The following FGF2 variants were observed in gnomAD, a reference collection of about 807,000 sequenced individuals.
FGF2 encodes fibroblast growth factor 2, also known as basic fibroblast growth factor bFGF.
A neutral mutation model predicts 15.9 loss-of-function variants in FGF2; 13 were observed. That is an observed-to-expected ratio of 0.82 (90% CI 0.53 to 1.30). The LOEUF (loss-of-function observed/expected upper bound fraction) is 1.30, where lower values mean the gene tolerates loss of function less well. Among genes scored for constraint, FGF2 ranks in the 50% most tolerant of loss-of-function variants. The pLI, the probability that FGF2 is intolerant of heterozygous loss-of-function variation, is 0.00. For synonymous variants in FGF2, 90 were observed against 78.4 expected, an observed-to-expected ratio of 1.15 and a Z score of -0.78; for missense variants, 163 against 196.9, an observed-to-expected ratio of 0.83 and a Z score of 1.03.
At chr4:122,830,587 C>T (rs1430926193) in intron 1 of FGF2, among the ~76,000 whole-genome samples, 1 of 152,128 alleles carries the variant, frequency 6.6e-6, no homozygotes, top group Non-Finnish European at 1.5e-5. Context: ...ATGTGCGCTG[C>T]ACTCCTGCCT....
intron 1 of FGF2, among the ~76,000 whole-genome samples, chr4:122,849,704 CTG>C (rs1726188889): frequency 6.6e-6 from 1 of 152,078 alleles, no homozygotes; most frequent in Non-Finnish European, 1.5e-5. Context: ...GACTTCATGT[CTG>C]TGATATTCAG....
chr4:122,834,391 C>T (rs992971372), intron 1 of FGF2, among the ~76,000 whole-genome samples: 2 of 152,158 alleles, frequency 1.3e-5, no homozygotes, highest in Non-Finnish European at 2.9e-5. Context: ...TCAGTACGTT[C>T]TTCTACATCA....
At chr4:122,848,035 C>T (rs112857118) in intron 1 of FGF2, among the ~76,000 whole-genome samples, 69 of 152,354 alleles carry the variant, frequency 4.5e-4, no homozygotes, top group African/African-American at 1.6e-3. Flanking sequence ...CATCACAAGG[C>T]ATTTGTTGAC....
intron 1 of FGF2, among the ~76,000 whole-genome samples, chr4:122,862,469 C>T (rs916485937): frequency 2.6e-5 from 4 of 152,102 alleles, no homozygotes; most frequent in Non-Finnish European, 5.9e-5. Context: ...AATAATTTGG[C>T]TTTTTGGTCC....
chr4:122,832,605 G>A (rs1280070774), intron 1 of FGF2, among the ~76,000 whole-genome samples: 2 of 152,176 alleles, frequency 1.3e-5, no homozygotes, highest in African/African-American at 4.8e-5. Flanking sequence ...ATTTTGTTCT[G>A]TTTTATTTTT....
rs1727267205 is a variant in FGF2 at position 122,893,883 on chromosome 4, T to C, written c.*1487T>C. 1 of 152,236 alleles carries C rather than the reference T, an allele frequency of 6.6e-6. No individual in the cohort carries two copies. Among genetic ancestry groups the C allele is most frequent in the Admixed American group, 6.5e-5 (1 of 15,288 alleles). The allele number at this position is 152,236 out of a possible 1,614,324, so 9.4% of individuals were successfully genotyped here. ...CCCAAAGTATTTAGGAGAAGCCCTT[T>C]AAAAAGCTGCCTTCCTCTACCACTT... On this transcript the variant is annotated 3_prime_UTR_variant, in exon 3 of 3. Coordinates refer to ENST00000644866, the MANE Select transcript of FGF2 (RefSeq NM_001361665.2).
rs1727372540 is a variant in FGF2, at chr4:122,896,838, AG to A, written c.*4446del. 2.0e-5 allele frequency: 3 copies of A among 152,196 alleles called. No homozygotes were observed. The allele number at this position is 152,196 out of a possible 1,614,324, so 9.4% of individuals were successfully genotyped here. On this transcript the variant is annotated 3_prime_UTR_variant, in exon 3 of 3. Transcript: ENST00000644866. Reference sequence around the variant, plus strand: ...AATATCATTGTTGGCTAAATAGAATAGGGGACATGCATATTAAGGAAAAGGT... The same window carrying A: ...AATATCATTGTTGGCTAAATAGAATAGGGACATGCATATTAAGGAAAAGGT...
At chr4:122,842,295 T>C (rs1726005131) in intron 1 of FGF2, among the ~76,000 whole-genome samples, 1 of 152,230 alleles carries the variant, frequency 6.6e-6, no homozygotes, top group Non-Finnish European at 1.5e-5. Flanking sequence ...TAGGTTTCCC[T>C]TAAAAATAGA....
intron 1 of FGF2, among the ~76,000 whole-genome samples, chr4:122,857,641 T>C (rs1341047959): frequency 1.3e-5 from 2 of 152,166 alleles, no homozygotes; most frequent in African/African-American, 4.8e-5. Flanking sequence ...CCCAAACATA[T>C]CTCTTTTAGA....
Position 122,891,126 on chromosome 4 carries a change from CGCCTCCCAGGTTCAT to C in FGF2, c.283-1081_283-1067del, listed in dbSNP as rs1469682095. ...CGCGATCTCGGCTCACTGCAAGCTC[CGCCTCCCAGGTTCAT>C]GCCATTCTCCTGCCTCAGCCTCCCA... On this transcript the variant is annotated intron_variant, in intron 2 of 2. Transcript: ENST00000644866. Among the ~76,000 whole-genome samples the C allele has an allele frequency of 3.3e-5, 5 of 150,416 alleles. No homozygotes were observed. In the East Asian group the frequency reaches 7.8e-4, roughly 24 times the overall value.
intron 1 of FGF2, among the ~76,000 whole-genome samples, chr4:122,859,787 A>T (rs952320846): frequency 6.6e-6 from 1 of 152,222 alleles, no homozygotes; most frequent in Non-Finnish European, 1.5e-5. Flanking sequence ...CATGCATTTG[A>T]CACCATGTTA....
chr4:122,892,324 G>A lies in FGF2; in HGVS notation c.396G>A (p.Gln132=). The change falls in exon 3 of 3, where the codon CAG becomes CAA. Residue 132 remains glutamine, a synonymous_variant. Transcript: ENST00000644866. ...SWYVALKRTG[Q]YKLGSKTGPG... is the part of the protein sequence containing the mutation. ...ATGTGGCACTGAAACGAACTGGGCA[G>A]TATAAACTTGGATCCAAAACAGGAC... The A allele has an allele frequency of 6.2e-7, 1 of 1,614,126 alleles. No homozygotes were observed. The highest frequency in any genetic ancestry group is 2.2e-5 in the East Asian group (1 of 44,876).
chr4:122,849,770 G>C (rs548940433), intron 1 of FGF2, among the ~76,000 whole-genome samples: 1 of 152,202 alleles, frequency 6.6e-6, no homozygotes, highest in South Asian at 2.1e-4. Flanking sequence ...GTGACTGCTG[G>C]CTGGGTAGCC....
At chr4:122,835,847 T>C (rs997897079) in intron 1 of FGF2, among the ~76,000 whole-genome samples, 3 of 152,210 alleles carry the variant, frequency 2.0e-5, no homozygotes, top group Non-Finnish European at 4.4e-5. Context: ...GCTTTAATTA[T>C]AGTCTCTTTA....
At chr4:122,869,849 C>A (rs1195179110) in intron 1 of FGF2, among the ~76,000 whole-genome samples, 1 of 152,090 alleles carries the variant, frequency 6.6e-6, no homozygotes, top group Non-Finnish European at 1.5e-5. Flanking sequence ...GCCTGATTTC[C>A]CTGGCCAGAA....
chr4:122,896,510 A>T lies in FGF2; in HGVS notation c.*4114A>T, dbSNP rs1727360854. ...CTCTGCTCTCACGTGGCACCAGTGG[A>T]TAGTGTGAGAGAATTAGGCTGTAGA... On this transcript the variant is annotated 3_prime_UTR_variant, in exon 3 of 3. Transcript: ENST00000644866. The T allele has an allele frequency of 6.6e-6, 1 of 152,158 alleles. No individual in the cohort carries two copies. The highest frequency in any genetic ancestry group is 1.5e-5 in the Non-Finnish European group (1 of 68,032). The allele number at this position is 152,158 out of a possible 1,614,324, so 9.4% of individuals were successfully genotyped here.
chr4:122,859,364 C>A lies in FGF2; in HGVS notation c.179-16957C>A, dbSNP rs182200786. Among the ~76,000 whole-genome samples the A allele has an allele frequency of 4.4e-3, 663 of 152,100 alleles. 1 individual carries two copies. The highest frequency in any genetic ancestry group is 0.015 in the African/African-American group (604 of 41,484). Reference sequence around the variant, plus strand: ...TTATATAAGGTCTTAGTCTTTTTTGCAGTATTTCCCTTGGGAAATAAAATA... The same window carrying A: ...TTATATAAGGTCTTAGTCTTTTTTGAAGTATTTCCCTTGGGAAATAAAATA... On this transcript the variant is annotated intron_variant, in intron 1 of 2. Coordinates refer to ENST00000644866, the MANE Select transcript of FGF2 (RefSeq NM_001361665.2).
In FGF2 at chr4:122,893,460, G is replaced by T; in HGVS notation, c.*1064G>T. ...CTGAATATTTCTTTGGCTGCTACTT[G>T]GAGGCTTATCTACCTGTACATTTTT... On this transcript the variant is annotated 3_prime_UTR_variant, in exon 3 of 3. Coordinates refer to ENST00000644866, the MANE Select transcript of FGF2 (RefSeq NM_001361665.2). 1 of 401,552 alleles carries T rather than the reference G, an allele frequency of 2.5e-6. No homozygotes were observed. 24.9% of individuals were successfully genotyped at this position (401,552 alleles called of 1,614,324 possible).
intron 1 of FGF2, among the ~76,000 whole-genome samples, chr4:122,858,449 G>C (rs977505004): frequency 6.6e-6 from 1 of 151,916 alleles, no homozygotes; most frequent in Admixed American, 6.6e-5. Context: ...CCAGGCTGGA[G>C]TGCAGTGGTC....
Sources: gnomAD v4.1 joint callset for allele counts (sites outside exome capture counted in the v4.1 genomes callset) on GRCh38, gnomAD v4.1.1 for gene constraint, MANE v1.5 for transcripts, NCBI Gene and HGNC (gene_info 2026-07-23, HGNC 2026-07-21) for gene names.